CWH43: variants seen among roughly 807,000 people sequenced by gnomAD.
CWH43 encodes PGAP2-interacting protein.
A neutral mutation model predicts 85.7 loss-of-function variants in CWH43; 91 were observed. The observed-to-expected ratio is 1.06, with a 90% CI of 0.90 to 1.26. The LOEUF is 1.26. CWH43 is among the 50% of genes most tolerant of loss of function. The pLI, the probability that CWH43 is intolerant of heterozygous loss-of-function variation, is 0.00. For synonymous variants in CWH43, 323 were observed against 293.6 expected (o/e 1.10, Z -1.02); for missense variants, 869 against 839.2 (o/e 1.04, Z -0.44).
chr4:49,037,662 C>T (rs1235287111), intron 12 of CWH43, among the ~76,000 whole-genome samples: 1 of 151,906 alleles, frequency 6.6e-6, no homozygotes, highest in Non-Finnish European at 1.5e-5. Context: ...TACCAGTATT[C>T]CTGGCTCTTT....
chr4:49,038,055 C>A lies in CWH43; in HGVS notation c.1678C>A (p.Leu560Met). 1 of 1,604,576 alleles carries A rather than the reference C, an allele frequency of 6.2e-7. No individual in the cohort carries two copies. Among genetic ancestry groups the A allele is most frequent in the Non-Finnish European group, 8.5e-7 (1 of 1,177,260 alleles). ...TTTTAGAGATGACCTCGACAGGAAACTGCAGGCTATTGCTGTTTCAAAACT... is the reference window on the plus strand; with the variant it reads ...TTTTAGAGATGACCTCGACAGGAAAATGCAGGCTATTGCTGTTTCAAAACT... ...GNHEDDLDRK[L>M]QAIAVSKLLK... Residue 560 changes from leucine to methionine, a missense_variant, in exon 13 of 16, where the codon CTG becomes ATG. Coordinates refer to ENST00000226432, the MANE Select transcript of CWH43 (RefSeq NM_025087.3).
intron 10 of CWH43, among the ~76,000 whole-genome samples, chr4:49,030,287 A>G (rs1459066067): frequency 6.6e-6 from 1 of 152,214 alleles, no homozygotes; most frequent in Non-Finnish European, 1.5e-5. Flanking sequence ...TGTTCTGGTT[A>G]TTCTTAATGA....
intron 1 of CWH43, 146 bp from the exon 2 acceptor site, chr4:48,988,331 G>C: frequency 2.2e-6 from 1 of 459,474 alleles, no homozygotes; most frequent in Non-Finnish European, 3.7e-6. Context: ...TTTGTTCCAT[G>C]TCAGTGGAGA....
chr4:49,050,944 G>GC (rs1784775108), intron 15 of CWH43, 95 bp downstream of exon 15: 3 of 938,570 alleles, frequency 3.2e-6, no homozygotes, highest in Non-Finnish European at 4.7e-6. Flanking sequence ...ATTATATTTT[G>GC]TCCTAGAGGT....
intron 14 of CWH43, 125 bp downstream of exon 14, chr4:49,044,972 A>G (rs1027625986): frequency 2.5e-5 from 17 of 689,404 alleles, no homozygotes; most frequent in African/African-American, 2.4e-4. Context: ...AAAGCAATCA[A>G]TGTTTATAAA....
chr4:49,003,773 T>A lies in CWH43; in HGVS notation c.841T>A (p.Trp281Arg). 6.2e-7 allele frequency: 1 copy of A among 1,613,990 alleles called. No homozygotes were observed. The highest frequency in any genetic ancestry group is 8.5e-7 in the Non-Finnish European group (1 of 1,179,902). ...TGCGGGGCTCCTTTACCTGCACACA[T>A]GGGCAGCTGCTGTGTCTGGCTGTGT... ...SAAGLLYLHTWAAAVSGCVFA... is the reference protein window; with the variant it reads ...SAAGLLYLHTRAAAVSGCVFA... Residue 281 changes from tryptophan (W) to arginine (R), a missense_variant, in exon 7 of 16, where the codon TGG becomes AGG. Transcript: ENST00000226432.
intron 9 of CWH43, 106 bp downstream of exon 9, chr4:49,017,434 C>A: frequency 1.4e-6 from 1 of 729,272 alleles, no homozygotes; most frequent in Non-Finnish European, 2.2e-6. Flanking sequence ...GACTTCAGAG[C>A]CCTGGGCCCT....
chr4:49,048,942 C>T (rs1476326688), intron 14 of CWH43, among the ~76,000 whole-genome samples: 5 of 152,126 alleles, frequency 3.3e-5, no homozygotes, highest in African/African-American at 1.2e-4. Flanking sequence ...CAATGCCCTA[C>T]ATGTAGTAGG....
At chr4:48,986,923 C>A in intron 1 of CWH43, 1 of 568,960 alleles carries the variant, frequency 1.8e-6, no homozygotes. Context: ...GCAGCTGCTG[C>A]CGTGGGCTGG....
chr4:49,044,783 T>C lies in CWH43; in HGVS notation c.1804-3T>C. On this transcript the variant is annotated splice_region_variant and splice_polypyrimidine_tract_variant and intron_variant, in intron 13 of 15. Coordinates refer to ENST00000226432, the MANE Select transcript of CWH43 (RefSeq NM_025087.3). The stretch of plus-strand genomic sequence containing the variant: ...AAACATTCTCCTCTCTGCTCTTTAT[T>C]AGGATATCGACAGCACTGATCATGA... 1.2e-6 allele frequency: 2 copies of C among 1,611,648 alleles called. No homozygotes were observed. The highest frequency in any genetic ancestry group is 3.3e-5 in the Admixed American group (2 of 59,774).
chr4:48,986,585 C>A (rs377334953), intron 1 of CWH43, 113 bp downstream of exon 1: 2 of 1,519,758 alleles, frequency 1.3e-6, no homozygotes, highest in African/African-American at 1.4e-5. Context: ...AAGGGCGCTC[C>A]GTGCCCAGAG....
intron 15 of CWH43, among the ~76,000 whole-genome samples, chr4:49,056,215 T>C (rs931067257): frequency 4.9e-4 from 74 of 151,888 alleles, no homozygotes; most frequent in African/African-American, 1.8e-3. Context: ...GGTTTCCAAT[T>C]TCATCCATGT....
chr4:49,027,743 A>C (rs895616371), intron 9 of CWH43, among the ~76,000 whole-genome samples: 1 of 152,186 alleles, frequency 6.6e-6, no homozygotes. Context: ...ATTATTGACT[A>C]TAGTCACCTT....
Position 48,986,440 on chromosome 4 carries a change from T to G in CWH43, c.11T>G (p.Leu4Arg), listed in dbSNP as rs750687657. 77 of 1,549,508 alleles carry G rather than the reference T, an allele frequency of 5.0e-5. 1 individual carries two copies. The Admixed American group carries it at 1.5e-3, about 30-fold the overall frequency. ...CCCCTCGCCGCGGCGATGCCCTCGCTGTGGAGAGAAATCCTCTTGGAGTCG... is the reference window on the plus strand; with the variant it reads ...CCCCTCGCCGCGGCGATGCCCTCGCGGTGGAGAGAAATCCTCTTGGAGTCG... MPS[L>R]WREILLESLL... The change falls in exon 1 of 16, where the codon CTG becomes CGG. Residue 4 changes from leucine to arginine, a missense_variant. By Grantham distance (102) the Leu-to-Arg change is moderately radical. Coordinates refer to ENST00000226432, the MANE Select transcript of CWH43 (RefSeq NM_025087.3).
intron 11 of CWH43, 188 bp downstream of exon 11, chr4:49,031,148 T>G (rs1365731630): frequency 1.9e-6 from 1 of 521,748 alleles, no homozygotes. Flanking sequence ...TGGCTGGATA[T>G]TTCCAGTTCT....
intron 15 of CWH43, among the ~76,000 whole-genome samples, chr4:49,054,660 A>G (rs1294563247): frequency 6.6e-6 from 1 of 152,032 alleles, no homozygotes; most frequent in Non-Finnish European, 1.5e-5. Context: ...GTTTCCATTA[A>G]TTTGTGGTCT....
chr4:49,030,391 G>A (rs1175918390), intron 10 of CWH43, among the ~76,000 whole-genome samples: 2 of 152,124 alleles, frequency 1.3e-5, no homozygotes, highest in Admixed American at 6.5e-5. Context: ...TCTGATTACA[G>A]GCTTCCAAGG....
Position 49,061,809 on chromosome 4 carries a change from T to C in CWH43, c.2022-3T>C, listed in dbSNP as rs1262220024. 5 of 1,380,362 alleles carry C rather than the reference T, an allele frequency of 3.6e-6. No individual in the cohort carries two copies. Among genetic ancestry groups the C allele is most frequent in the Middle Eastern group, 4.0e-4 (2 of 5,026 alleles). The allele number at this position is 1,380,362 out of a possible 1,614,324, so 85.5% of individuals were successfully genotyped here. A position where few individuals can be genotyped will look rare whatever the true frequency, so the allele number is the denominator to read the frequency against. ...ACTTTTTATTTATTTTTTATTTTTT[T>C]AGATTTGGATCCTACAAAGAAGGAC... On this transcript the variant is annotated splice_polypyrimidine_tract_variant and splice_region_variant and intron_variant, in intron 15 of 15. Transcript: ENST00000226432.
intron 9 of CWH43, 76 bp downstream of exon 9, chr4:49,017,404 T>G: frequency 9.4e-7 from 1 of 1,062,408 alleles, no homozygotes; most frequent in Non-Finnish European, 1.4e-6. Context: ...TTTACCATTC[T>G]GATTGAACCT....
Sources: allele counts gnomAD v4.1 joint callset (sites outside exome capture counted in the v4.1 genomes callset), GRCh38; gene constraint gnomAD v4.1.1; transcripts MANE v1.5; gene names NCBI Gene and HGNC (gene_info 2026-07-23, HGNC 2026-07-21).